CD8B: variants seen among roughly 807,000 people sequenced by gnomAD.
CD8B encodes CD8 subunit beta, also known as T-cell surface glycoprotein CD8 beta chain.
A neutral mutation model predicts 24.2 loss-of-function variants in CD8B; 6 were observed. The ratio of observed to expected loss-of-function variants is 0.25; its 90% confidence interval spans 0.14 to 0.49. CD8B has a LOEUF of 0.49. Among genes scored for constraint, CD8B ranks in the 20% least tolerant of loss-of-function variants. The probability of loss-of-function intolerance (pLI) is 0.98; values close to 1 mark genes in which losing one functional copy is unlikely to be tolerated. For synonymous variants in CD8B, 84 were observed against 108.3 expected, an observed-to-expected ratio of 0.78 and a Z score of 1.39; for missense variants, 196 against 271.3, an observed-to-expected ratio of 0.72 and a Z score of 1.95.
At chr2:86,846,063 G>C (rs1480943747) in intron 4 of CD8B, among the ~76,000 whole-genome samples, 2 of 152,212 alleles carry the variant, frequency 1.3e-5, no homozygotes, top group Non-Finnish European at 2.9e-5. Flanking sequence ...CTGGGCTCTA[G>C]GGCAGCCATG....
At chr2:86,853,853 G>A (rs920214284) in intron 2 of CD8B, among the ~76,000 whole-genome samples, 40 of 152,080 alleles carry the variant, frequency 2.6e-4, no homozygotes, top group Non-Finnish European at 5.1e-4. Context: ...TTACAGGCAC[G>A]TACCACTGCA....
intron 3 of CD8B, among the ~76,000 whole-genome samples, chr2:86,850,519 C>A (rs1279745522): frequency 6.6e-6 from 1 of 152,148 alleles, no homozygotes; most frequent in Non-Finnish European, 1.5e-5. Flanking sequence ...ATTTTACAGA[C>A]AAGGAAACTG....
intron 2 of CD8B, among the ~76,000 whole-genome samples, chr2:86,856,024 C>A (rs1225038380): frequency 6.6e-6 from 1 of 152,170 alleles, no homozygotes; most frequent in Non-Finnish European, 1.5e-5. Context: ...TGAAAAAGGC[C>A]CTGTCTTTCC....
chr2:86,847,946 G>A (rs559429585), intron 3 of CD8B, among the ~76,000 whole-genome samples: 2 of 152,162 alleles, frequency 1.3e-5, no homozygotes, highest in East Asian at 1.9e-4. Flanking sequence ...TTTTTTCAAC[G>A]TGCCTTTTTT....
chr2:86,849,709 T>A (rs1378071682), intron 3 of CD8B, among the ~76,000 whole-genome samples: 1 of 150,058 alleles, frequency 6.7e-6, no homozygotes, highest in Non-Finnish European at 1.5e-5. Context: ...AGGTGTTTTT[T>A]TTTTTTTTTT....
rs1675426795 is a variant in CD8B, at chr2:86,841,607, A to G, written c.*700T>C. The G allele has an allele frequency of 2.0e-6, 2 of 985,140 alleles. No homozygotes were observed. The highest frequency in any genetic ancestry group is 2.4e-6 in the Non-Finnish European group (2 of 829,702). The allele number at this position is 985,140 out of a possible 1,614,324, so 61.0% of individuals were successfully genotyped here. On this transcript the variant is annotated 3_prime_UTR_variant, in exon 6 of 6. Coordinates refer to ENST00000390655, the MANE Select transcript of CD8B (RefSeq NM_004931.5). ...TTTGTTATCTTTAACCTGGGACTTT[A>G]TTTGTACAACTAAGACATTTGTATA...
chr2:86,818,147 T>C (rs1315550997), intron 5 of CD8B, among the ~76,000 whole-genome samples: 2 of 151,986 alleles, frequency 1.3e-5, no homozygotes, highest in African/African-American at 4.8e-5. Context: ...AGATGGAGGT[T>C]GCTGTGAGCC....
intron 5 of CD8B, among the ~76,000 whole-genome samples, chr2:86,830,988 G>T (rs900559453): frequency 4.0e-5 from 6 of 151,214 alleles, no homozygotes; most frequent in Non-Finnish European, 8.8e-5. Context: ...ATTTCTTTTG[G>T]TGTCAGATAT....
chr2:86,837,144 A>G (rs1675208720), downstream of CD8B, among the ~76,000 whole-genome samples: 1 of 152,234 alleles, frequency 6.6e-6, no homozygotes, highest in Admixed American at 6.5e-5. Context: ...GTGACAGAGC[A>G]ACACCCTGTC....
chr2:86,829,095 CTTTTTTTTTT>C lies in CD8B; in HGVS notation c.621-13387_621-13378del, dbSNP rs746569858. 9.6e-5 allele frequency among the ~76,000 whole-genome samples: 8 copies of C among 82,986 alleles called. No individual in the cohort carries two copies. In the East Asian group the frequency reaches 3.0e-3, roughly 31 times the overall value. 54.4% of individuals were successfully genotyped at this position (82,986 alleles called of 152,430 possible). A position where few individuals can be genotyped will look rare whatever the true frequency, so the allele number is the denominator to read the frequency against. On this transcript the variant is annotated intron_variant, in intron 5 of 5. Coordinates refer to the CD8B transcript ENST00000331469. ...TTACCATTTTGGCATATGCTCTTTA[CTTTTTTTTTT>C]TTTTTTTTTTTTGAGACGGAGTCTT...
Position 86,826,235 on chromosome 2 carries a change from C to T in CD8B, c.621-10517G>A, listed in dbSNP as rs1674682464. On this transcript the variant is annotated intron_variant, in intron 5 of 5. Coordinates refer to the CD8B transcript ENST00000331469. ...CATCTGGGCCACAGGGGTGAGGAGC[C>T]GTCACCCCTGCCTTTTGTTTAGCCG... 2.0e-5 allele frequency among the ~76,000 whole-genome samples: 3 copies of T among 152,044 alleles called. No individual in the cohort carries two copies. The South Asian group carries it at 6.2e-4, about 32-fold the overall frequency.
chr2:86,856,877 T>G (rs922107064), intron 2 of CD8B, among the ~76,000 whole-genome samples: 1 of 151,454 alleles, frequency 6.6e-6, no homozygotes, highest in African/African-American at 2.4e-5. Context: ...GCAATACTTT[T>G]TATATTGATT....
At chr2:86,826,932 CT>C (rs1407271115) in intron 5 of CD8B, among the ~76,000 whole-genome samples, 1 of 151,984 alleles carries the variant, frequency 6.6e-6, no homozygotes, top group Admixed American at 6.6e-5. Flanking sequence ...AGCGATTCTC[CT>C]GCTTCAGTCT....
chr2:86,830,273 G>T (rs139491660), intron 5 of CD8B, among the ~76,000 whole-genome samples: 1 of 152,234 alleles, frequency 6.6e-6, no homozygotes, highest in East Asian at 1.9e-4. Context: ...TCTGATGCAT[G>T]TCTTTGCCAC....
downstream of CD8B, among the ~76,000 whole-genome samples, chr2:86,836,135 G>A (rs1675169015): frequency 6.6e-6 from 1 of 152,112 alleles, no homozygotes; most frequent in South Asian, 2.1e-4. Context: ...TGGATGGGTG[G>A]GGGAGCCAGC....
At chr2:86,850,050 G>C (rs1173879350) in intron 3 of CD8B, among the ~76,000 whole-genome samples, 2 of 152,100 alleles carry the variant, frequency 1.3e-5, no homozygotes, top group Admixed American at 6.6e-5. Flanking sequence ...CAGGTCACAG[G>C]GATGTACAGG....
chr2:86,815,949 T>C (rs1674226666), intron 5 of CD8B, among the ~76,000 whole-genome samples: 2 of 152,208 alleles, frequency 1.3e-5, no homozygotes, highest in Non-Finnish European at 2.9e-5. Context: ...CTGTTTCTTG[T>C]GATTTCTTCT....
At chr2:86,819,830 A>T (rs1370769362) in intron 5 of CD8B, among the ~76,000 whole-genome samples, 1 of 152,220 alleles carries the variant, frequency 6.6e-6, no homozygotes, top group African/African-American at 2.4e-5. Flanking sequence ...ATCTGGGTGA[A>T]ACCTTCTGGA....
rs957133757 is a variant in CD8B at position 86,844,851 on chromosome 2, G to A, written c.620+71C>T. ...AGATGAGGTCTGACTTTGGCTCCTC[G>A]CTGCAGTTAGAGGCTGCAAGCTGCA... On this transcript the variant is annotated intron_variant, in intron 5 of 5. Coordinates refer to ENST00000390655, the MANE Select transcript of CD8B (RefSeq NM_004931.5). The A allele has an allele frequency of 1.8e-5, 28 of 1,552,630 alleles. No individual in the cohort carries two copies. The South Asian group carries it at 2.1e-4, about 12-fold the overall frequency.
Sources: gnomAD v4.1 joint callset for allele counts (sites outside exome capture counted in the v4.1 genomes callset) on GRCh38, gnomAD v4.1.1 for gene constraint, MANE v1.5 for transcripts, NCBI Gene and HGNC (gene_info 2026-07-23, HGNC 2026-07-21) for gene names.